GRIP1: variants seen among roughly 807,000 people sequenced by gnomAD.
GRIP1 encodes the protein glutamate receptor-interacting protein 1.
Under a neutral mutation model 129.9 loss-of-function variants are expected in GRIP1, and 45 were observed. The ratio of observed to expected loss-of-function variants is 0.35; its 90% CI spans 0.27 to 0.44. GRIP1 has a LOEUF of 0.44. Among genes scored for constraint, GRIP1 ranks in the 20% least tolerant of loss-of-function variants. The probability of loss-of-function intolerance (pLI) is 1.00; values close to 1 mark genes in which losing one functional copy is unlikely to be tolerated. For missense variants in GRIP1, 1,196 were observed against 1,396.8 expected, an observed-to-expected ratio of 0.86 and a Z score of 2.29; for synonymous variants, 530 against 520.8, an observed-to-expected ratio of 1.02 and a Z score of -0.24.
intron 12 of GRIP1, among the ~76,000 whole-genome samples, chr12:66,444,988 C>A (rs921350210): frequency 5.3e-5 from 8 of 152,160 alleles, no homozygotes; most frequent in African/African-American, 9.7e-5. Context: ...AGAATCTGAT[C>A]CAAACCAATA....
chr12:66,416,963 A>C (rs1279418888), intron 15 of GRIP1, among the ~76,000 whole-genome samples: 5 of 151,864 alleles, frequency 3.3e-5, no homozygotes, highest in African/African-American at 1.2e-4. Flanking sequence ...ACACACAAAG[A>C]AAAGAAAAGA....
intron 1 of GRIP1, among the ~76,000 whole-genome samples, chr12:66,759,638 CT>C (rs1225617032): frequency 6.6e-6 from 1 of 151,860 alleles, no homozygotes; most frequent in Non-Finnish European, 1.5e-5. Context: ...CCCAAGTCAC[CT>C]TTTGAATGCT....
intron 1 of GRIP1, among the ~76,000 whole-genome samples, chr12:66,948,510 C>T (rs2041706081): frequency 6.6e-6 from 1 of 152,156 alleles, no homozygotes; most frequent in African/African-American, 2.4e-5. Flanking sequence ...CATGGACTGG[C>T]TCATAGAAGA....
intron 1 of GRIP1, among the ~76,000 whole-genome samples, chr12:66,767,570 A>AT (rs2037681091): frequency 1.3e-5 from 1 of 74,678 alleles, no homozygotes; most frequent in South Asian, 4.2e-4. Context: ...CTGTCTCTGT[A>AT]TTAAAAAAAA....
intron 1 of GRIP1, among the ~76,000 whole-genome samples, chr12:67,055,285 A>C (rs2043416612): frequency 6.6e-6 from 1 of 152,176 alleles, no homozygotes; most frequent in African/African-American, 2.4e-5. Flanking sequence ...AGTATGCTGG[A>C]GCCGCTCCTG....
chr12:66,808,215 C>A (rs373935017), upstream of GRIP1, among the ~76,000 whole-genome samples: 5 of 152,100 alleles, frequency 3.3e-5, no homozygotes, highest in African/African-American at 9.7e-5. Flanking sequence ...TTGCAAATGG[C>A]AGTTCACAGA....
intron 2 of GRIP1, among the ~76,000 whole-genome samples, chr12:66,548,366 CTGG>C (rs1298690889): frequency 6.6e-6 from 1 of 152,168 alleles, no homozygotes; most frequent in Non-Finnish European, 1.5e-5. Context: ...TTTCATTCAG[CTGG>C]TGGAAGGGGA....
chr12:66,389,056 C>A (rs1229553204), intron 19 of GRIP1, among the ~76,000 whole-genome samples: 1 of 152,154 alleles, frequency 6.6e-6, no homozygotes, highest in Non-Finnish European at 1.5e-5. Context: ...CTCCTGGGAA[C>A]AAGGCAACTA....
intron 1 of GRIP1, among the ~76,000 whole-genome samples, chr12:66,785,146 GT>G (rs2038280980): frequency 6.6e-6 from 1 of 151,576 alleles, no homozygotes; most frequent in Admixed American, 6.6e-5. Flanking sequence ...GTAGAAAAAA[GT>G]TAAGAGCTAC....
At chr12:67,056,045 G>A (rs1309306662) in intron 1 of GRIP1, among the ~76,000 whole-genome samples, 1 of 152,108 alleles carries the variant, frequency 6.6e-6, no homozygotes, top group Non-Finnish European at 1.5e-5. Flanking sequence ...AGGATATAAG[G>A]GATTTTGCTG....
At chr12:66,945,724 G>A (rs2041657945) in intron 1 of GRIP1, among the ~76,000 whole-genome samples, 1 of 152,120 alleles carries the variant, frequency 6.6e-6, no homozygotes, top group South Asian at 2.1e-4. Context: ...ATTTCAACAC[G>A]AGATTTGGGA....
chr12:66,931,906 A>G (rs2041402041), intron 1 of GRIP1, among the ~76,000 whole-genome samples: 1 of 152,148 alleles, frequency 6.6e-6, no homozygotes. Context: ...TTATGTGCCA[A>G]TTTTTGAAGG....
intron 2 of GRIP1, among the ~76,000 whole-genome samples, chr12:66,547,377 A>C (rs1421561649): frequency 1.3e-5 from 2 of 152,182 alleles, no homozygotes; most frequent in African/African-American, 2.4e-5. Flanking sequence ...GTTTATTAGA[A>C]AACTAAATAT....
intron 23 of GRIP1, among the ~76,000 whole-genome samples, chr12:66,367,666 A>C (rs1231387390): frequency 1.3e-5 from 2 of 152,264 alleles, no homozygotes; most frequent in African/African-American, 4.8e-5. Context: ...GAAAAATGTC[A>C]GTGTATACTG....
At chr12:66,569,956 G>T (rs2062901743) in intron 2 of GRIP1, among the ~76,000 whole-genome samples, 1 of 152,146 alleles carries the variant, frequency 6.6e-6, no homozygotes, top group East Asian at 1.9e-4. Context: ...TTTATCCAAT[G>T]ATATCACCAG....
chr12:66,964,060 T>C (rs2041961112), intron 1 of GRIP1, among the ~76,000 whole-genome samples: 1 of 152,178 alleles, frequency 6.6e-6, no homozygotes, highest in South Asian at 2.1e-4. Context: ...TCTTCTCATC[T>C]ACACCTCCAC....
At chr12:66,899,530 T>TG (rs2040810609) in intron 1 of GRIP1, among the ~76,000 whole-genome samples, 1 of 151,650 alleles carries the variant, frequency 6.6e-6, no homozygotes, top group African/African-American at 2.4e-5. Context: ...ACCTGGCTAT[T>TG]TTTTTTTAAT....
chr12:66,532,499 C>T (rs1046232798), intron 4 of GRIP1, among the ~76,000 whole-genome samples: 10 of 152,168 alleles, frequency 6.6e-5, no homozygotes, highest in African/African-American at 2.4e-4. Flanking sequence ...CAAACTCCTT[C>T]CCTGCCTCCC....
At chr12:66,847,670 A>G (rs12305344) in intron 1 of GRIP1, among the ~76,000 whole-genome samples, 9,154 of 152,162 alleles carry the variant, frequency 0.06, 940 homozygotes, top group African/African-American at 0.21. Flanking sequence ...CTTATAATAA[A>G]AATTTTCTGT....
Sources: gnomAD v4.1 joint callset for allele counts (sites outside exome capture counted in the v4.1 genomes callset) on GRCh38, gnomAD v4.1.1 for gene constraint, MANE v1.5 for transcripts, NCBI Gene and HGNC (gene_info 2026-07-23, HGNC 2026-07-21) for gene names.